AVEN: variants seen among roughly 807,000 people sequenced by gnomAD.
The protein encoded by AVEN is cell death regulator Aven.
Under a neutral mutation model 38.1 loss-of-function variants are expected in AVEN, and 41 were observed. The observed-to-expected ratio is 1.08, with a 90% CI of 0.84 to 1.40. The LOEUF is 1.40. Ranked by LOEUF, AVEN falls within the 40% of genes most tolerant of loss-of-function variation. The probability of loss-of-function intolerance (pLI) is 0.00; values close to 1 mark genes in which losing one functional copy is unlikely to be tolerated. For synonymous variants in AVEN, 206 were observed against 171.8 expected (o/e 1.20, Z -1.56); for missense variants, 605 against 438.8 (o/e 1.38, Z -3.38).
chr15:33,961,582 G>C (rs1597277452), intron 2 of AVEN, among the ~76,000 whole-genome samples: 2 of 152,008 alleles, frequency 1.3e-5, no homozygotes, highest in Admixed American at 1.3e-4. Context: ...GGGAGGCCAA[G>C]GTGGGCGAAT....
intron 5 of AVEN, among the ~76,000 whole-genome samples, chr15:34,060,603 C>T (rs551215710): frequency 8.5e-5 from 13 of 152,250 alleles, no homozygotes; most frequent in African/African-American, 2.2e-4. Flanking sequence ...TCACCGGGCA[C>T]GGTGGCTTTC....
chr15:33,944,353 A>C (rs1001048172), intron 2 of AVEN, among the ~76,000 whole-genome samples: 4 of 152,222 alleles, frequency 2.6e-5, no homozygotes, highest in Non-Finnish European at 5.9e-5. Flanking sequence ...CGGCAACTAT[A>C]ACGTGTCCAG....
At chr15:33,984,230 G>A (rs1042582502) in intron 2 of AVEN, among the ~76,000 whole-genome samples, 3 of 151,874 alleles carry the variant, frequency 2.0e-5, no homozygotes, top group Non-Finnish European at 4.4e-5. Flanking sequence ...GAAAGTACAC[G>A]GAAATTCACT....
At chr15:34,003,371 A>G (rs1897214919) in intron 1 of AVEN, among the ~76,000 whole-genome samples, 162 bp from the exon 2 acceptor site, 1 of 152,216 alleles carries the variant, frequency 6.6e-6, no homozygotes. Flanking sequence ...ACTATACCAG[A>G]GTGTTCTTTT....
chr15:33,914,897 C>A (rs1371247648), intron 2 of AVEN, among the ~76,000 whole-genome samples: 2 of 152,066 alleles, frequency 1.3e-5, no homozygotes, highest in Non-Finnish European at 2.9e-5. Context: ...GCAATGCTCA[C>A]ACCTAGAACC....
chr15:34,064,292 G>A (rs768844068), intron 4 of AVEN: 17 of 1,613,616 alleles, frequency 1.1e-5, no homozygotes, highest in Non-Finnish European at 1.4e-5. Flanking sequence ...AGTTGTACTG[G>A]CAGGGGAACA....
chr15:33,906,513 G>T (rs923706130), intron 2 of AVEN, among the ~76,000 whole-genome samples: 1 of 152,196 alleles, frequency 6.6e-6, no homozygotes, highest in Admixed American at 6.5e-5. Flanking sequence ...ATCTGTTCCA[G>T]TCCCTGCTTT....
intron 4 of AVEN, among the ~76,000 whole-genome samples, chr15:33,870,281 G>A (rs1000811375): frequency 1.3e-5 from 2 of 152,134 alleles, no homozygotes; most frequent in Non-Finnish European, 2.9e-5. Flanking sequence ...CTCTGTGCAT[G>A]TGTATGTGCA....
chr15:34,014,515 A>G (rs1897797095), intron 1 of AVEN, among the ~76,000 whole-genome samples: 1 of 152,156 alleles, frequency 6.6e-6, no homozygotes, highest in African/African-American at 2.4e-5. Context: ...GGAAACAGCC[A>G]CAAAAGCCTA....
chr15:34,055,614 A>T (rs1900112370), intron 5 of AVEN, among the ~76,000 whole-genome samples: 2 of 151,958 alleles, frequency 1.3e-5, no homozygotes, highest in Non-Finnish European at 2.9e-5. Context: ...ATCCTGGCTA[A>T]CATGGTGAAA....
intron 2 of AVEN, among the ~76,000 whole-genome samples, chr15:33,990,422 T>C (rs1324385412): frequency 6.6e-6 from 1 of 152,048 alleles, no homozygotes; most frequent in Non-Finnish European, 1.5e-5. Flanking sequence ...CCCAGATGAT[T>C]TGATGATGCA....
chr15:33,877,758 G>A (rs1281790387), intron 2 of AVEN, among the ~76,000 whole-genome samples: 1 of 152,120 alleles, frequency 6.6e-6, no homozygotes, highest in Non-Finnish European at 1.5e-5. Context: ...AGAACAGCCT[G>A]GCCAACATGG....
chr15:34,048,987 G>GGTTTT (rs1415637721), intron 5 of AVEN, among the ~76,000 whole-genome samples: 1 of 152,076 alleles, frequency 6.6e-6, no homozygotes, highest in Non-Finnish European at 1.5e-5. Flanking sequence ...ACTGTTAAAA[G>GGTTTT]AAAAACAAAC....
At chr15:33,909,259 C>G (rs137895475) in intron 2 of AVEN, among the ~76,000 whole-genome samples, 4 of 152,164 alleles carry the variant, frequency 2.6e-5, no homozygotes, top group East Asian at 1.9e-4. Flanking sequence ...ACCTTTACTT[C>G]CAACACCCAA....
chr15:34,062,632 C>A, intron 5 of AVEN: 1 of 1,277,692 alleles, frequency 7.8e-7, no homozygotes. Context: ...ATGTGTTTCC[C>A]TCTCTTCCAG....
In AVEN at chr15:33,939,318, C is replaced by CAG. The variant is rs2153053290; in HGVS notation, c.446-63324_446-63323insCT. The stretch of plus-strand genomic sequence containing the variant: ...TCATTAATTAATTACAATTCATAAA[C>CAG]TGCCAGAGTATCAAATGGAACCATT... On this transcript the variant is annotated intron_variant, in intron 2 of 5. Coordinates refer to ENST00000306730, the MANE Select transcript of AVEN (RefSeq NM_020371.3). 3.3e-5 allele frequency among the ~76,000 whole-genome samples: 5 copies of CAG among 152,346 alleles called. No homozygotes were observed. In the South Asian group the frequency reaches 1.0e-3, roughly 32 times the overall value.
At chr15:34,035,968 A>AT (rs1032072649) in intron 1 of AVEN, among the ~76,000 whole-genome samples, 1 of 151,478 alleles carries the variant, frequency 6.6e-6, no homozygotes, top group Non-Finnish European at 1.5e-5. Flanking sequence ...GCAGTTTTGT[A>AT]TTTTTTTTAT....
chr15:33,853,640 C>T, the AVEN span: 1 of 1,613,898 alleles, frequency 6.2e-7, no homozygotes, highest in Non-Finnish European at 8.5e-7. Flanking sequence ...GACTTTAGCC[C>T]AGTAGAAGAG....
intron 1 of AVEN, among the ~76,000 whole-genome samples, chr15:34,006,408 C>CT (rs1897345637): frequency 6.6e-6 from 1 of 152,050 alleles, no homozygotes; most frequent in South Asian, 2.1e-4. Flanking sequence ...ATTCAATATT[C>CT]TTTTGTTGGC....
Sources: gnomAD v4.1 joint callset for allele counts (sites outside exome capture counted in the v4.1 genomes callset) on GRCh38, gnomAD v4.1.1 for gene constraint, MANE v1.5 for transcripts, NCBI Gene and HGNC (gene_info 2026-07-23, HGNC 2026-07-21) for gene names.